Variants in FDFT1 observed in about 807,000 individuals in gnomAD.
FDFT1 encodes squalene synthase.
Under a neutral mutation model 46.8 loss-of-function variants are expected in FDFT1, and 68 were observed. The ratio of observed to expected loss-of-function variants is 1.45; its 90% confidence interval spans 1.19 to 1.78. The LOEUF is 1.78. Among genes scored for constraint, FDFT1 ranks in the 40% most tolerant of loss-of-function variants. The pLI is 0.00. For synonymous variants in FDFT1, 351 were observed against 185.1 expected, an observed-to-expected ratio of 1.90 and a Z score of -7.28; for missense variants, 928 against 524.4, an observed-to-expected ratio of 1.77 and a Z score of -7.52.
intron 7 of FDFT1, among the ~76,000 whole-genome samples, chr8:11,832,770 G>C (rs1811016018): frequency 1.3e-5 from 2 of 151,968 alleles, no homozygotes; most frequent in African/African-American, 4.8e-5. Flanking sequence ...ATGATGCTGT[G>C]ATCCTCAGGT....
chr8:11,831,391 C>G (rs762003135), intron 6 of FDFT1, 127 bp from the exon 7 acceptor site: 2 of 747,052 alleles, frequency 2.7e-6, no homozygotes, highest in South Asian at 1.9e-5. Context: ...TTTTCTTGAG[C>G]GATTCCATCT....
intron 5 of FDFT1, among the ~76,000 whole-genome samples, chr8:11,828,743 C>T (rs1050415563): frequency 2.6e-5 from 4 of 152,236 alleles, no homozygotes; most frequent in Admixed American, 1.3e-4. Context: ...CTGGACATTT[C>T]GTAGTAGTTG....
At chr8:11,821,701 T>C (rs369026829) in intron 3 of FDFT1, 49 bp from the exon 4 acceptor site, 167 of 1,602,410 alleles carry the variant, frequency 1.0e-4, no homozygotes, top group Non-Finnish European at 1.3e-4. Context: ...TTTGGTGCCA[T>C]GTCTGTACAT....
intron 3 of FDFT1, among the ~76,000 whole-genome samples, chr8:11,820,187 A>G (rs781513521): frequency 1.3e-5 from 2 of 152,148 alleles, no homozygotes; most frequent in Non-Finnish European, 2.9e-5. Flanking sequence ...AGAACAGCAA[A>G]TATCGCGGCC....
At chr8:11,831,938 C>T (rs1014478783) in intron 7 of FDFT1, 32 of 343,278 alleles carry the variant, frequency 9.3e-5, no homozygotes, top group African/African-American at 4.9e-4. Context: ...AGATTTTGAG[C>T]TGCAAGATGA....
chr8:11,796,569 C>A (rs559920345), intron 1 of FDFT1, among the ~76,000 whole-genome samples: 5 of 152,112 alleles, frequency 3.3e-5, no homozygotes, highest in African/African-American at 1.2e-4. Flanking sequence ...GAGTGGGAAG[C>A]TTTACGGTGG....
intron 1 of FDFT1, 73 bp downstream of exon 1, chr8:11,803,004 G>C: frequency 6.5e-7 from 1 of 1,534,182 alleles, no homozygotes; most frequent in South Asian, 1.2e-5. Context: ...CTGAGCGGCC[G>C]GGCCCGGATC....
chr8:11,798,688 T>G (rs1805809185), upstream of FDFT1, among the ~76,000 whole-genome samples: 1 of 152,174 alleles, frequency 6.6e-6, no homozygotes, highest in South Asian at 2.1e-4. Flanking sequence ...TTTGCATTGT[T>G]TAGGCACCAT....
At chr8:11,813,576 C>A (rs1483662032) in intron 3 of FDFT1, among the ~76,000 whole-genome samples, 4 of 152,198 alleles carry the variant, frequency 2.6e-5, no homozygotes, top group Non-Finnish European at 5.9e-5. Context: ...GGTCTGGCTT[C>A]AGATCTCTTG....
chr8:11,819,257 C>T (rs1330944246), intron 3 of FDFT1, among the ~76,000 whole-genome samples: 1 of 152,202 alleles, frequency 6.6e-6, no homozygotes, highest in African/African-American at 2.4e-5. Context: ...GTAACCCGAC[C>T]TTTCTCTCTG....
chr8:11,838,451 A>C lies in FDFT1; in HGVS notation c.1096A>C (p.Ile366Leu). The C allele has an allele frequency of 6.2e-7, 1 of 1,609,062 alleles. No homozygotes were observed. Among genetic ancestry groups the C allele is most frequent in the Non-Finnish European group, 8.5e-7 (1 of 1,177,086 alleles). ...SSKTRQIIST[I>L]RTQNLPNCQL... ...CAAAACAAGGCAGATCATCTCCACC[A>C]TCCGGACGCAGAATCTTCCCAACTG... The change falls in exon 8 of 8, where the codon ATC (isoleucine) becomes CTC (leucine). Residue 366 changes from isoleucine (I) to leucine (L), a missense_variant. Ile to Leu is a conservative substitution (Grantham distance 5). Transcript: ENST00000220584.
At chr8:11,820,853 G>A (rs1379980003) in intron 3 of FDFT1, among the ~76,000 whole-genome samples, 2 of 152,192 alleles carry the variant, frequency 1.3e-5, no homozygotes, top group Non-Finnish European at 2.9e-5. Flanking sequence ...CCCTGCTTTG[G>A]CTCACCCTCC....
intron 5 of FDFT1, 45 bp downstream of exon 5, chr8:11,826,260 C>A (rs1809973564): frequency 7.2e-7 from 1 of 1,385,226 alleles, no homozygotes; most frequent in Non-Finnish European, 9.7e-7. Flanking sequence ...TTTAGACATT[C>A]TCTGAAAAAT....
intron 7 of FDFT1, 85 bp downstream of exon 7, chr8:11,831,755 G>A: frequency 8.9e-7 from 1 of 1,121,520 alleles, no homozygotes; most frequent in Non-Finnish European, 1.3e-6. Flanking sequence ...TTGGATATTA[G>A]ATGATCCTAA....
intron 4 of FDFT1, among the ~76,000 whole-genome samples, chr8:11,823,679 T>C (rs538784581): frequency 9.5e-4 from 144 of 152,250 alleles, no homozygotes; most frequent in African/African-American, 3.4e-3. Context: ...GCAATCTTCC[T>C]TGCCCTCAGC....
intron 6 of FDFT1, among the ~76,000 whole-genome samples, chr8:11,831,074 T>G (rs933034215): frequency 1.3e-5 from 2 of 152,204 alleles, no homozygotes; most frequent in Non-Finnish European, 2.9e-5. Flanking sequence ...TTAATCCCCT[T>G]CTGGTTGTTC....
rs539357942 is a variant in FDFT1 at position 11,804,680 on chromosome 8, A to G, written c.99+1749A>G. 6.7e-5 allele frequency among the ~76,000 whole-genome samples: 9 copies of G among 133,816 alleles called. No individual in the cohort carries two copies. In the East Asian group the frequency reaches 1.8e-3, roughly 27 times the overall value. The allele number at this position is 133,816 out of a possible 152,430, so 87.8% of individuals were successfully genotyped here. A position where few individuals can be genotyped will look rare whatever the true frequency, so the allele number is the denominator to read the frequency against. ...GTGCAGTGGTGGCGGGACCTCAGCTAGATGCAGCCTCCGCCTCCTGGGTTC... is the reference window on the plus strand; with the variant it reads ...GTGCAGTGGTGGCGGGACCTCAGCTGGATGCAGCCTCCGCCTCCTGGGTTC... On this transcript the variant is annotated intron_variant, in intron 1 of 7. Coordinates refer to ENST00000220584, the MANE Select transcript of FDFT1 (RefSeq NM_004462.5).
In FDFT1 at chr8:11,830,305, C is replaced by T; in HGVS notation, c.764C>T (p.Ala255Val). The part of the protein sequence containing the change: ...DFAKPENIDL[A>V]VQCLNELITN... ...GCTAAGCCGGAGAATATTGACTTGG[C>T]CGTGCAGTGCCTGAATGAACTTATA... The change falls in exon 6 of 8, where the codon GCC (alanine) becomes GTC (valine). Residue 255 changes from alanine (A) to valine (V), a missense_variant. Coordinates refer to ENST00000220584, the MANE Select transcript of FDFT1 (RefSeq NM_004462.5). 6.2e-7 allele frequency: 1 copy of T among 1,613,600 alleles called. No homozygotes were observed. The highest frequency in any genetic ancestry group is 8.5e-7 in the Non-Finnish European group (1 of 1,179,556).
At chr8:11,805,664 T>TCA (rs1563295725) in intron 1 of FDFT1, among the ~76,000 whole-genome samples, 1 of 71,514 alleles carries the variant, frequency 1.4e-5, no homozygotes, top group African/African-American at 2.9e-5. Flanking sequence ...ATTTTTTGAG[T>TCA]GTTTGGCTCA....
Sources: gnomAD v4.1 joint callset for allele counts (sites outside exome capture counted in the v4.1 genomes callset) on GRCh38, gnomAD v4.1.1 for gene constraint, MANE v1.5 for transcripts, NCBI Gene and HGNC (gene_info 2026-07-23, HGNC 2026-07-21) for gene names.